The following ZMYM4 variants were observed in gnomAD, a reference collection of about 807,000 sequenced individuals.
ZMYM4 encodes zinc finger MYM-type protein 4.
Under a neutral mutation model 183.2 loss-of-function variants are expected in ZMYM4, and 31 were observed. The ratio of observed to expected loss-of-function variants is 0.17; its 90% CI spans 0.13 to 0.23. The LOEUF is 0.23. ZMYM4 is among the 10% of genes least tolerant of loss of function. ZMYM4 has a pLI of 1.00. For missense variants in ZMYM4, 1,273 were observed against 1,840.3 expected (o/e 0.69, Z 5.64); for synonymous variants, 592 against 631.2 (o/e 0.94, Z 0.93).
In ZMYM4 at chr1:35,359,894, G is replaced by GT. The variant is rs200015213; in HGVS notation, c.607+457dup. Reference sequence around the variant, plus strand: ...AACTCTCACCTCTATCTGAAAGGGAGTTTTTTTTTAATAAAAAAAACCCAA... The same window carrying GT: ...AACTCTCACCTCTATCTGAAAGGGAGTTTTTTTTTTAATAAAAAAAACCCAA... On this transcript the variant is annotated intron_variant, in intron 3 of 29. Transcript: ENST00000314607. Among the ~76,000 whole-genome samples, 170 of 140,870 alleles carry GT rather than the reference G, an allele frequency of 1.2e-3. 1 individual carries two copies. The highest frequency in any genetic ancestry group is 3.8e-3 in the African/African-American group (137 of 35,778). The allele number at this position is 140,870 out of a possible 152,430, so 92.4% of individuals were successfully genotyped here. A position where few individuals can be genotyped will look rare whatever the true frequency, so the allele number is the denominator to read the frequency against.
chr1:35,287,574 T>G, intron 1 of ZMYM4, among the ~76,000 whole-genome samples: 1 of 151,990 alleles, frequency 6.6e-6, no homozygotes, highest in East Asian at 1.9e-4. Context: ...CTCAACTTGT[T>G]ATTTTTCCTA....
At chr1:35,298,698 CCCTT>C (rs751786970) in intron 1 of ZMYM4, among the ~76,000 whole-genome samples, 28 of 152,210 alleles carry the variant, frequency 1.8e-4, no homozygotes, top group Non-Finnish European at 3.2e-4. Context: ...GAAGAGAAGC[CCCTT>C]CCTTCTAGAG....
At chr1:35,333,511 G>C (rs1642846329) in intron 2 of ZMYM4, among the ~76,000 whole-genome samples, 1 of 152,040 alleles carries the variant, frequency 6.6e-6, no homozygotes. Flanking sequence ...GCCTATCTCG[G>C]CCTCCCAAAG....
Position 35,361,314 on chromosome 1 carries a change from T to A in ZMYM4, c.669+59T>A. ...CTGTGACAAGTGTCAAAGTTTTCTT[T>A]ATGTCAGTTTCTAAATTCTAACAAT... On this transcript the variant is annotated intron_variant, in intron 4 of 29. Coordinates refer to ENST00000314607, the MANE Select transcript of ZMYM4 (RefSeq NM_005095.3). 2.7e-6 allele frequency: 4 copies of A among 1,485,676 alleles called. No individual in the cohort carries two copies. The Middle Eastern group carries it at 5.3e-4, about 197-fold the overall frequency. 92.0% of individuals were successfully genotyped at this position (1,485,676 alleles called of 1,614,324 possible). A position where few individuals can be genotyped will look rare whatever the true frequency, so the allele number is the denominator to read the frequency against.
chr1:35,326,159 T>C (rs2148822483), intron 2 of ZMYM4, among the ~76,000 whole-genome samples: 1 of 152,332 alleles, frequency 6.6e-6, no homozygotes, highest in Non-Finnish European at 1.5e-5. Flanking sequence ...AAACCAATTT[T>C]ACCATAAGTT....
At chr1:35,326,734 G>A (rs116833256) in intron 2 of ZMYM4, among the ~76,000 whole-genome samples, 2,101 of 152,186 alleles carry the variant, frequency 0.014, 51 homozygotes, top group African/African-American at 0.047. Context: ...ATTTAGACAC[G>A]CTAATTAACC....
In ZMYM4 at chr1:35,359,249, A is replaced by C. The variant is rs377098707; in HGVS notation, c.410A>C (p.Asp137Ala). The C allele has an allele frequency of 2.5e-6, 4 of 1,608,648 alleles. No homozygotes were observed. The African/African-American group carries it at 5.4e-5, about 22-fold the overall frequency. ...EIQIQNKLKK[D>A]FPKQFDQVSV... The stretch of plus-strand genomic sequence containing the variant: ...CAAATTCAAAATAAGTTAAAAAAAG[A>C]CTTTCCTAAACAATTTGATCAGGTT... Residue 137 changes from aspartate to alanine, a missense_variant, in exon 3 of 30, where the codon GAC becomes GCC. Physicochemically the swap from Asp to Ala is moderately radical, Grantham distance 126 (BLOSUM62 -2). This residue lies in a region of ZMYM4 where 384 missense variants were observed against 465.6 expected (regional missense o/e 0.82). Coordinates refer to ENST00000314607, the MANE Select transcript of ZMYM4 (RefSeq NM_005095.3).
rs1418694176 is a variant in ZMYM4 at position 35,421,537 on chromosome 1, ATAT to A, written c.*1862_*1864del. 6.6e-6 allele frequency: 1 copy of A among 152,432 alleles called. No individual in the cohort carries two copies. The highest frequency in any genetic ancestry group is 1.5e-5 in the Non-Finnish European group (1 of 68,034). 9.4% of individuals were successfully genotyped at this position (152,432 alleles called of 1,614,324 possible). A position where few individuals can be genotyped will look rare whatever the true frequency, so the allele number is the denominator to read the frequency against. On this transcript the variant is annotated 3_prime_UTR_variant, in exon 30 of 30. Transcript: ENST00000314607. ...CTTCTGTAGTTGTATGAAAAAACAA[ATAT>A]TGTTAGCATAGTAGATAAATTGTTA...
intron 1 of ZMYM4, among the ~76,000 whole-genome samples, chr1:35,291,881 C>G (rs2148718300): frequency 6.6e-6 from 1 of 152,174 alleles, no homozygotes; most frequent in East Asian, 1.9e-4. Context: ...CTCAGGTGAT[C>G]TACTTGACCT....
At chr1:35,358,423 A>T (rs971342142) in intron 2 of ZMYM4, among the ~76,000 whole-genome samples, 4 of 152,152 alleles carry the variant, frequency 2.6e-5, no homozygotes, top group Non-Finnish European at 5.9e-5. Flanking sequence ...CCTGAGTGCT[A>T]ATCTCAGTTT....
intron 2 of ZMYM4, among the ~76,000 whole-genome samples, chr1:35,326,522 T>C (rs1642509714): frequency 1.3e-5 from 2 of 152,188 alleles, no homozygotes; most frequent in Non-Finnish European, 2.9e-5. Flanking sequence ...TCTGTGCTGA[T>C]TATATATTTT....
chr1:35,272,810 G>C (rs1318264075), intron 1 of ZMYM4, among the ~76,000 whole-genome samples: 3 of 152,164 alleles, frequency 2.0e-5, no homozygotes, highest in Non-Finnish European at 2.9e-5. Flanking sequence ...CCGGGTTCAC[G>C]CCATTCCTTC....
At chr1:35,391,386 C>G (rs1283624847) in intron 15 of ZMYM4, among the ~76,000 whole-genome samples, 1 of 152,266 alleles carries the variant, frequency 6.6e-6, no homozygotes, top group East Asian at 1.9e-4. Context: ...TCAGGACTTA[C>G]TTATCTTATC....
chr1:35,282,982 T>TG (rs1640258845), intron 1 of ZMYM4, among the ~76,000 whole-genome samples: 1 of 57,758 alleles, frequency 1.7e-5, no homozygotes, highest in Non-Finnish European at 2.7e-5. Context: ...TGTGTGTGGT[T>TG]TTTTTTTTTT....
At chr1:35,289,061 A>C (rs779943145) in intron 1 of ZMYM4, among the ~76,000 whole-genome samples, 7 of 152,232 alleles carry the variant, frequency 4.6e-5, no homozygotes, top group Non-Finnish European at 8.8e-5. Flanking sequence ...GGTGGGGGTA[A>C]GATAGAAAAT....
At chr1:35,333,322 A>G (rs536869697) in intron 2 of ZMYM4, among the ~76,000 whole-genome samples, 4 of 149,612 alleles carry the variant, frequency 2.7e-5, no homozygotes, top group Non-Finnish European at 5.9e-5. Context: ...CAGTGGTGCA[A>G]TCTAAGCTCA....
At chr1:35,304,155 G>A (rs948855896) in intron 1 of ZMYM4, among the ~76,000 whole-genome samples, 4 of 152,058 alleles carry the variant, frequency 2.6e-5, no homozygotes, top group Non-Finnish European at 5.9e-5. Context: ...TTCCTGAGTA[G>A]CTGGGATTAC....
intron 2 of ZMYM4, among the ~76,000 whole-genome samples, chr1:35,333,221 C>A (rs1435837741): frequency 6.6e-6 from 1 of 150,916 alleles, no homozygotes; most frequent in Non-Finnish European, 1.5e-5. Flanking sequence ...TCCAGTAATA[C>A]ATATATGTAA....
At chr1:35,399,858 T>C in intron 23 of ZMYM4, 1 of 284,154 alleles carries the variant, frequency 3.5e-6, no homozygotes, top group Non-Finnish European at 6.7e-6. Flanking sequence ...TTGAACAGCC[T>C]CTAAATTTAG....
Sources: gnomAD v4.1 joint callset for allele counts (sites outside exome capture counted in the v4.1 genomes callset) on GRCh38, gnomAD v4.1.1 for gene constraint, gnomAD v4.1.1 regional missense constraint, MANE v1.5 for transcripts, NCBI Gene and HGNC (gene_info 2026-07-23, HGNC 2026-07-21) for gene names.